Variants in ADGRL3 observed in about 807,000 individuals in gnomAD.
ADGRL3 encodes the protein calcium-independent alpha-latrotoxin receptor 3.
A neutral mutation model predicts 153.5 loss-of-function variants in ADGRL3; 62 were observed. That is an observed-to-expected ratio of 0.40 (90% CI 0.33 to 0.50). ADGRL3 has a LOEUF of 0.50. Ranked by LOEUF, ADGRL3 falls within the 20% of genes least tolerant of loss-of-function variation. The probability of loss-of-function intolerance (pLI) is 0.47; values close to 1 mark genes in which losing one functional copy is unlikely to be tolerated. For synonymous variants in ADGRL3, 710 were observed against 672.5 expected (o/e 1.06, Z -0.86); for missense variants, 1,641 against 1,859.4 (o/e 0.88, Z 2.16).
rs149472429 is a variant in ADGRL3, at chr4:61,726,210, G to GTTTTTTTTTT, written c.584-4406_584-4405insTTTTTTTTTT. On this transcript the variant is annotated intron_variant, in intron 6 of 26. Coordinates refer to ENST00000683033, the MANE Select transcript of ADGRL3 (RefSeq NM_001387552.1). The stretch of plus-strand genomic sequence containing the variant: ...AATACTCACTGGAACTTTTTTTTTT[G>GTTTTTTTTTT]TTTTTTGAGAAGGAGTCTCACCCTG... Among the ~76,000 whole-genome samples the GTTTTTTTTTT allele has an allele frequency of 4.2e-5, 5 of 118,524 alleles. 1 individual carries two copies. The highest frequency in any genetic ancestry group is 1.0e-4 in the Admixed American group (1 of 9,900). 77.8% of individuals were successfully genotyped at this position (118,524 alleles called of 152,430 possible).
At chr4:61,372,154 A>C (rs2096540245) in intron 1 of ADGRL3, among the ~76,000 whole-genome samples, 1 of 151,760 alleles carries the variant, frequency 6.6e-6, no homozygotes, top group African/African-American at 2.4e-5. Context: ...AAAGTTTTCA[A>C]CTTCTTTTCC....
chr4:61,624,728 G>T (rs1349048449), intron 5 of ADGRL3, among the ~76,000 whole-genome samples: 1 of 151,972 alleles, frequency 6.6e-6, no homozygotes, highest in Non-Finnish European at 1.5e-5. Context: ...CTTTATGCCA[G>T]ATATTCTACC....
chr4:61,931,390 A>G (rs1237729366), intron 13 of ADGRL3, among the ~76,000 whole-genome samples: 2 of 152,206 alleles, frequency 1.3e-5, no homozygotes, highest in Non-Finnish European at 2.9e-5. Flanking sequence ...CTGTGATATC[A>G]AGCAAAAGTA....
At chr4:61,665,440 A>C (rs1023628162) in intron 5 of ADGRL3, among the ~76,000 whole-genome samples, 3 of 152,050 alleles carry the variant, frequency 2.0e-5, no homozygotes, top group Non-Finnish European at 2.9e-5. Flanking sequence ...AACAAACAAA[A>C]AAAAACATGG....
At chr4:61,255,702 G>A (rs1412594169) in intron 1 of ADGRL3, among the ~76,000 whole-genome samples, 1 of 152,136 alleles carries the variant, frequency 6.6e-6, no homozygotes, top group African/African-American at 2.4e-5. Context: ...CATCGCACAG[G>A]TAGGAAATTA....
intron 2 of ADGRL3, among the ~76,000 whole-genome samples, chr4:61,437,228 T>C: frequency 6.6e-6 from 1 of 152,152 alleles, no homozygotes; most frequent in East Asian, 1.9e-4. Context: ...TATTCAACGC[T>C]TTGGAAAGTT....
At chr4:61,968,673 A>G (rs2099015541) in intron 17 of ADGRL3, among the ~76,000 whole-genome samples, 2 of 152,164 alleles carry the variant, frequency 1.3e-5, no homozygotes. Flanking sequence ...AAAGTGACCA[A>G]AAAATTTCAT....
At chr4:61,825,572 A>C (rs1012275162) in intron 9 of ADGRL3, among the ~76,000 whole-genome samples, 1 of 152,184 alleles carries the variant, frequency 6.6e-6, no homozygotes, top group Non-Finnish European at 1.5e-5. Context: ...ATGGCTATAT[A>C]CTAAAAATCT....
At chr4:61,562,237 G>A (rs1374200207) in intron 4 of ADGRL3, among the ~76,000 whole-genome samples, 4 of 152,142 alleles carry the variant, frequency 2.6e-5, no homozygotes, top group African/African-American at 9.7e-5. Context: ...AGCCTTTAGT[G>A]AGTTGTAATC....
In ADGRL3 at chr4:62,077,351, T is replaced by C. The variant is rs1403748610; in HGVS notation, c.*6443T>C. 1 of 151,996 alleles carries C rather than the reference T, an allele frequency of 6.6e-6. No individual in the cohort carries two copies. The highest frequency in any genetic ancestry group is 6.6e-5 in the Admixed American group (1 of 15,254). 9.4% of individuals were successfully genotyped at this position (151,996 alleles called of 1,614,324 possible). A position where few individuals can be genotyped will look rare whatever the true frequency, so the allele number is the denominator to read the frequency against. ...ATTTTAAATCTTAAAGGAGTTAAGT[T>C]TGTCTCAATGATCCAAGACTACAAA... On this transcript the variant is annotated 3_prime_UTR_variant, in exon 27 of 27. Transcript: ENST00000683033.
At chr4:61,521,619 ATAG>A (rs1456376183) in intron 4 of ADGRL3, among the ~76,000 whole-genome samples, 2 of 152,132 alleles carry the variant, frequency 1.3e-5, no homozygotes, top group Non-Finnish European at 2.9e-5. Flanking sequence ...GGAGTGAGTG[ATAG>A]TAGTGATGAT....
chr4:61,681,617 G>A (rs1485512537), intron 6 of ADGRL3, among the ~76,000 whole-genome samples: 3 of 151,866 alleles, frequency 2.0e-5, no homozygotes, highest in Non-Finnish European at 4.4e-5. Flanking sequence ...AGAAAAATGA[G>A]CATTATTGGA....
chr4:61,226,380 A>G (rs1382585864), intron 1 of ADGRL3, among the ~76,000 whole-genome samples: 4 of 152,206 alleles, frequency 2.6e-5, no homozygotes, highest in Non-Finnish European at 5.9e-5. Flanking sequence ...TTTGCAGTAT[A>G]GGAGACAAGA....
At chr4:61,620,680 C>T (rs1014617945) in intron 5 of ADGRL3, among the ~76,000 whole-genome samples, 12 of 113,698 alleles carry the variant, frequency 1.1e-4, no homozygotes, top group African/African-American at 3.8e-4. Flanking sequence ...CTGGCTCTGT[C>T]GCCAGGCTGG....
intron 1 of ADGRL3, among the ~76,000 whole-genome samples, chr4:61,371,446 C>T (rs952546430): frequency 1.3e-5 from 2 of 151,896 alleles, no homozygotes; most frequent in African/African-American, 4.8e-5. Context: ...AATCTCTCAG[C>T]AGTTGCTTGT....
At chr4:61,565,442 T>C (rs2098812517) in intron 4 of ADGRL3, among the ~76,000 whole-genome samples, 1 of 152,196 alleles carries the variant, frequency 6.6e-6, no homozygotes, top group Admixed American at 6.5e-5. Context: ...CTTGTATAAC[T>C]GACAAAAATT....
chr4:61,744,928 G>A (rs576635950), intron 8 of ADGRL3, among the ~76,000 whole-genome samples: 1 of 152,070 alleles, frequency 6.6e-6, no homozygotes, highest in Non-Finnish European at 1.5e-5. Flanking sequence ...AGCTACAGGA[G>A]GAAATTAAAA....
chr4:61,429,344 T>A (rs1365926282), intron 2 of ADGRL3, among the ~76,000 whole-genome samples: 1 of 151,948 alleles, frequency 6.6e-6, no homozygotes, highest in Non-Finnish European at 1.5e-5. Context: ...AAAAGAAAGG[T>A]GGGTAGAAAG....
chr4:61,355,533 A>C (rs143058091), intron 1 of ADGRL3, among the ~76,000 whole-genome samples: 1 of 152,230 alleles, frequency 6.6e-6, no homozygotes, highest in East Asian at 1.9e-4. Context: ...AAAATATGGA[A>C]ACCTGCACTT....
Sources: gnomAD v4.1 joint callset for allele counts (sites outside exome capture counted in the v4.1 genomes callset) on GRCh38, gnomAD v4.1.1 for gene constraint, MANE v1.5 for transcripts, NCBI Gene and HGNC (gene_info 2026-07-23, HGNC 2026-07-21) for gene names.